CDKAL1: variants seen among roughly 807,000 people sequenced by gnomAD.
The protein encoded by CDKAL1 is CDKAL1 threonylcarbamoyladenosine tRNA methylthiotransferase.
Under a neutral mutation model 68.2 loss-of-function variants are expected in CDKAL1, and 32 were observed. The observed-to-expected ratio is 0.47, with a 90% confidence interval of 0.35 to 0.63. The LOEUF is 0.63. CDKAL1 is among the 30% of genes least tolerant of loss of function. The pLI is 0.00. For missense variants in CDKAL1, 606 were observed against 696.7 expected (o/e 0.87, Z 1.47); for synonymous variants, 234 against 244.3 (o/e 0.96, Z 0.39).
chr6:20,907,942 G>A (rs182226183), intron 9 of CDKAL1, among the ~76,000 whole-genome samples: 1 of 152,302 alleles, frequency 6.6e-6, no homozygotes, highest in East Asian at 1.9e-4. Flanking sequence ...GAAGAGTAAG[G>A]ATGAGCTGGG....
chr6:21,119,089 C>T (rs780772658), intron 13 of CDKAL1, among the ~76,000 whole-genome samples: 1 of 152,112 alleles, frequency 6.6e-6, no homozygotes, highest in Non-Finnish European at 1.5e-5. Context: ...TTGCCTCACT[C>T]CCTCTCCCCT....
At chr6:20,850,505 A>T (rs768199869) in intron 9 of CDKAL1, among the ~76,000 whole-genome samples, 9 of 151,914 alleles carry the variant, frequency 5.9e-5, no homozygotes, top group Non-Finnish European at 1.0e-4. Context: ...CAGTGGCATG[A>T]TCTTGGCTCA....
chr6:20,841,626 G>A (rs751070907), intron 8 of CDKAL1, among the ~76,000 whole-genome samples: 19 of 152,164 alleles, frequency 1.2e-4, no homozygotes, highest in Non-Finnish European at 2.1e-4. Flanking sequence ...CTTCAGGGTT[G>A]AACTGGGCGT....
intron 8 of CDKAL1, among the ~76,000 whole-genome samples, chr6:20,834,407 C>T (rs942027704): frequency 6.6e-6 from 1 of 152,170 alleles, no homozygotes; most frequent in African/African-American, 2.4e-5. Flanking sequence ...GTTAGATGTC[C>T]TCTGGGTTCC....
intron 13 of CDKAL1, among the ~76,000 whole-genome samples, chr6:21,113,522 G>A (rs1433930135): frequency 6.6e-6 from 1 of 151,930 alleles, no homozygotes; most frequent in Non-Finnish European, 1.5e-5. Context: ...TTGTTTTTGA[G>A]ATGGAGTTTC....
In CDKAL1 at chr6:20,789,196, C is replaced by T. The variant is rs144249391; in HGVS notation, c.638+7931C>T. Among the ~76,000 whole-genome samples, 1,182 of 152,230 alleles carry T rather than the reference C, an allele frequency of 7.8e-3. 10 individuals are homozygous for T. The highest frequency in any genetic ancestry group is 0.017 in the Middle Eastern group (5 of 292). On this transcript the variant is annotated intron_variant, in intron 8 of 15. Transcript: ENST00000274695. ...CTCTTTTGTCCACAAACCAGTTGTC[C>T]TAAAATTTGCAGCCTTTTTTATGTC...
At chr6:20,540,113 G>A (rs1188894773) in intron 2 of CDKAL1, among the ~76,000 whole-genome samples, 1 of 138,816 alleles carries the variant, frequency 7.2e-6, no homozygotes, top group East Asian at 2.0e-4. Context: ...TCACTCTGTT[G>A]GCCGGGCTGG....
At position 20,999,264 on chromosome 6, in the gene CDKAL1, T is replaced by C. The variant is rs971775337; in HGVS notation, c.910-963T>C. ...TCTTTTTTTCTTTGTTTCTTTTCTT[T>C]TTTCTTTTTCTCTTTCTCTCCTTCC... is the stretch of plus-strand genomic sequence containing the variant. On this transcript the variant is annotated intron_variant, in intron 10 of 15. Transcript: ENST00000274695. 8.5e-5 allele frequency among the ~76,000 whole-genome samples: 13 copies of C among 152,096 alleles called. No homozygotes were observed. The South Asian group carries it at 1.2e-3, about 15-fold the overall frequency.
chr6:20,556,978 C>T (rs1764069135), intron 4 of CDKAL1, among the ~76,000 whole-genome samples: 1 of 148,998 alleles, frequency 6.7e-6, no homozygotes, highest in South Asian at 2.1e-4. Context: ...GCGGAGCTTG[C>T]AGTGAGCTGA....
rs369603117 is a variant in CDKAL1 at position 21,157,599 on chromosome 6, C to T, written c.1300-40422C>T. On this transcript the variant is annotated intron_variant, in intron 13 of 15. Coordinates refer to ENST00000274695, the MANE Select transcript of CDKAL1 (RefSeq NM_017774.3). ...TATAAAAAAATAGCTAAGTGAAAATCTTCACGAATGAAAGCAACCTCTTTG... is the reference window on the plus strand; with the variant it reads ...TATAAAAAAATAGCTAAGTGAAAATTTTCACGAATGAAAGCAACCTCTTTG... Among the ~76,000 whole-genome samples the T allele has an allele frequency of 2.0e-4, 30 of 152,312 alleles. 1 individual carries two copies. In the South Asian group the frequency reaches 6.0e-3, roughly 30 times the overall value.
At position 20,977,670 on chromosome 6, in the gene CDKAL1, G is replaced by A. The variant is rs189942211; in HGVS notation, c.909+22085G>A. ...AGGTGGGCGGATCCCTTGAGCACAG[G>A]AGTTTGAGACCAGCCTGAGCAACCC... On this transcript the variant is annotated intron_variant, in intron 10 of 15. Coordinates refer to ENST00000274695, the MANE Select transcript of CDKAL1 (RefSeq NM_017774.3). Among the ~76,000 whole-genome samples the A allele has an allele frequency of 1.1e-4, 17 of 152,280 alleles. No individual in the cohort carries two copies. In the South Asian group the frequency reaches 1.2e-3, roughly 11 times the overall value.
At chr6:21,081,159 G>T (rs1244223934) in intron 12 of CDKAL1, among the ~76,000 whole-genome samples, 1 of 152,026 alleles carries the variant, frequency 6.6e-6, no homozygotes, top group Non-Finnish European at 1.5e-5. Flanking sequence ...CTTCCTTTTG[G>T]CATTCATTTT....
At chr6:20,996,244 C>G (rs2150809026) in intron 10 of CDKAL1, among the ~76,000 whole-genome samples, 1 of 152,322 alleles carries the variant, frequency 6.6e-6, no homozygotes, top group South Asian at 2.1e-4. Context: ...GTTTGACTTT[C>G]TTATCATTCA....
intron 15 of CDKAL1, among the ~76,000 whole-genome samples, chr6:21,221,364 G>A (rs1779533236): frequency 6.6e-6 from 1 of 151,862 alleles, no homozygotes; most frequent in Non-Finnish European, 1.5e-5. Flanking sequence ...GAGTAGCTGG[G>A]ACTACAAGCA....
chr6:21,078,788 C>A (rs1772218265), intron 12 of CDKAL1, among the ~76,000 whole-genome samples: 1 of 152,146 alleles, frequency 6.6e-6, no homozygotes, highest in African/African-American at 2.4e-5. Context: ...CCTGATCATC[C>A]CTGGCTTGGA....
At chr6:20,718,772 G>T (rs531360410) in intron 5 of CDKAL1, among the ~76,000 whole-genome samples, 2 of 152,112 alleles carry the variant, frequency 1.3e-5, no homozygotes, top group Non-Finnish European at 2.9e-5. Context: ...TAAAAATTGA[G>T]TGCAGATTGC....
chr6:20,996,511 G>A (rs1484493782), intron 10 of CDKAL1, among the ~76,000 whole-genome samples: 3 of 152,094 alleles, frequency 2.0e-5, no homozygotes, highest in African/African-American at 4.8e-5. Context: ...AGAGGATAGG[G>A]AGGCCCAAGA....
Position 21,216,638 on chromosome 6 carries a change from C to T in CDKAL1, c.1549-14210C>T, listed in dbSNP as rs150377438. Among the ~76,000 whole-genome samples the T allele has an allele frequency of 4.7e-4, 71 of 152,182 alleles. 1 individual carries two copies. Among genetic ancestry groups the T allele is most frequent in the Admixed American group, 1.2e-3 (19 of 15,290 alleles). On this transcript the variant is annotated intron_variant, in intron 15 of 15. Coordinates refer to ENST00000274695, the MANE Select transcript of CDKAL1 (RefSeq NM_017774.3). ...TGCTAATGGAGAAGAGGGAGGTTAG[C>T]GACTGGGGCCCATCTAAGAAAAGAA...
chr6:20,701,365 T>C (rs961269461), intron 5 of CDKAL1, among the ~76,000 whole-genome samples: 1 of 151,844 alleles, frequency 6.6e-6, no homozygotes, highest in Non-Finnish European at 1.5e-5. Context: ...TGAATGGCAG[T>C]GCTGGGCCTG....
Sources: allele counts gnomAD v4.1 joint callset (sites outside exome capture counted in the v4.1 genomes callset), GRCh38; gene constraint gnomAD v4.1.1; transcripts MANE v1.5; gene names NCBI Gene and HGNC (gene_info 2026-07-23, HGNC 2026-07-21).